ANKRD13C: variants seen among roughly 807,000 people sequenced by gnomAD.
The protein encoded by ANKRD13C is ankyrin repeat domain-containing protein 13C.
In ANKRD13C, 16 loss-of-function variants were observed where a neutral mutation model predicts 65.5. The observed-to-expected ratio is 0.24, with a 90% CI of 0.17 to 0.37. ANKRD13C has a LOEUF of 0.37. Ranked by LOEUF, ANKRD13C falls within the 10% of genes least tolerant of loss-of-function variation. ANKRD13C has a pLI of 1.00. For missense variants in ANKRD13C, 503 were observed against 655.9 expected, an observed-to-expected ratio of 0.77 and a Z score of 2.55; for synonymous variants, 235 against 238.7, an observed-to-expected ratio of 0.98 and a Z score of 0.14.
At position 70,259,461 on chromosome 1, in the gene ANKRD13C, A is replaced by C. The variant is rs269277; in HGVS notation, c.*3256T>G. The stretch of plus-strand genomic sequence containing the variant: ...GTATTACTCTTCTAAAATGAACTGT[A>C]ACAATTAAAAAGCTCATCACAAGGT... On this transcript the variant is annotated 3_prime_UTR_variant, in exon 13 of 13. Coordinates refer to ENST00000370944, the MANE Select transcript of ANKRD13C (RefSeq NM_030816.5). 0.21 allele frequency among the ~76,000 whole-genome samples: 31,390 copies of C among 152,134 alleles called. 3,768 individuals are homozygous for C. Among genetic ancestry groups the C allele is most frequent in the Non-Finnish European group, 0.27 (18,200 of 67,962 alleles).
At chr1:70,306,095 GA>G in intron 6 of ANKRD13C, 128 bp downstream of exon 6, 1 of 520,658 alleles carries the variant, frequency 1.9e-6, no homozygotes, top group Non-Finnish European at 3.2e-6. Flanking sequence ...TCTCGAATGA[GA>G]TAAAATATTG....
intron 3 of ANKRD13C, among the ~76,000 whole-genome samples, chr1:70,318,679 G>GTTT (rs11337993): frequency 0.021 from 1,955 of 94,158 alleles, 93 homozygotes; most frequent in African/African-American, 0.051. Flanking sequence ...ATCAATCTTT[G>GTTT]TTTTTTTTTT....
intron 3 of ANKRD13C, among the ~76,000 whole-genome samples, chr1:70,323,785 T>G (rs1457419130): frequency 5.3e-5 from 8 of 149,552 alleles, no homozygotes; most frequent in Non-Finnish European, 1.2e-4. Flanking sequence ...AGTGCAATGG[T>G]GCGATCTCGG....
chr1:70,344,560 T>C (rs1215475996), intron 1 of ANKRD13C, among the ~76,000 whole-genome samples: 1 of 152,160 alleles, frequency 6.6e-6, no homozygotes, highest in Non-Finnish European at 1.5e-5. Context: ...ATATTTCTGA[T>C]ACCTTATTCA....
At chr1:70,267,254 A>G (rs1292607325) in intron 12 of ANKRD13C, among the ~76,000 whole-genome samples, 1 of 151,968 alleles carries the variant, frequency 6.6e-6, no homozygotes, top group East Asian at 1.9e-4. Flanking sequence ...TTTTCCTTTG[A>G]TTAGTGTTTG....
intron 9 of ANKRD13C, among the ~76,000 whole-genome samples, chr1:70,282,049 A>G (rs1040328672): frequency 6.7e-6 from 1 of 148,282 alleles, no homozygotes; most frequent in South Asian, 2.1e-4. Flanking sequence ...ACTGGTACAT[A>G]TCATCTTTTT....
intron 8 of ANKRD13C, among the ~76,000 whole-genome samples, chr1:70,295,893 A>G (rs1680063077): frequency 6.6e-6 from 1 of 152,202 alleles, no homozygotes; most frequent in South Asian, 2.1e-4. Flanking sequence ...GACAGCTAGC[A>G]ATAAGAGTCC....
At position 70,300,852 on chromosome 1, in the gene ANKRD13C, C is replaced by G; in HGVS notation, c.833G>C (p.Ser278Thr). 1 of 1,613,658 alleles carries G rather than the reference C, an allele frequency of 6.2e-7. No homozygotes were observed. The highest frequency in any genetic ancestry group is 8.5e-7 in the Non-Finnish European group (1 of 1,179,864). Reference protein sequence around the residue: ...TDMKCQRGDLSFIFNGDAAPS... With the variant: ...TDMKCQRGDLTFIFNGDAAPS... ...CGCCGCATCCCCATTGAAAATGAAGCTTAGATCCCCTCGTTGGCACTTCAT... is the reference window on the plus strand; with the variant it reads ...CGCCGCATCCCCATTGAAAATGAAGGTTAGATCCCCTCGTTGGCACTTCAT... The change falls in exon 7 of 13, where the codon AGC becomes ACC. Residue 278 changes from serine (S) to threonine (T), a missense_variant. Physicochemically the swap from Ser to Thr is moderately conservative, Grantham distance 58. Around this residue, in one of 2 missense-constraint regions of ANKRD13C, gnomAD observed 300 missense variants for 478.3 expected, o/e 0.63. Transcript: ENST00000370944.
At chr1:70,296,011 G>C in intron 8 of ANKRD13C, 119 bp downstream of exon 8, 4 of 1,154,274 alleles carry the variant, frequency 3.5e-6, no homozygotes, top group Non-Finnish European at 4.8e-6. Flanking sequence ...TCAAGGAAGA[G>C]AGAAAAAAAC....
At chr1:70,283,346 G>A (rs1019859990) in intron 9 of ANKRD13C, among the ~76,000 whole-genome samples, 1 of 151,988 alleles carries the variant, frequency 6.6e-6, no homozygotes, top group Admixed American at 6.6e-5. Context: ...ATGCCTTCAA[G>A]CCTTTCCCTC....
chr1:70,315,605 C>A, intron 3 of ANKRD13C, 39 bp from the exon 4 acceptor site: 3 of 1,519,024 alleles, frequency 2.0e-6, no homozygotes, highest in Non-Finnish European at 2.7e-6. Context: ...TTTAAATTTT[C>A]ATCATGCAGT....
intron 7 of ANKRD13C, among the ~76,000 whole-genome samples, chr1:70,300,431 T>A (rs1002093428): frequency 6.6e-6 from 1 of 151,898 alleles, no homozygotes; most frequent in Non-Finnish European, 1.5e-5. Context: ...CTACTAAAAA[T>A]ACAAAAATTA....
chr1:70,278,663 G>C (rs574881079), intron 9 of ANKRD13C, among the ~76,000 whole-genome samples: 1 of 152,078 alleles, frequency 6.6e-6, no homozygotes, highest in Non-Finnish European at 1.5e-5. Context: ...AACATTGAGA[G>C]GGTCTCATTC....
intron 1 of ANKRD13C, among the ~76,000 whole-genome samples, chr1:70,347,117 A>AG (rs1682565818): frequency 1.4e-5 from 2 of 143,578 alleles, no homozygotes; most frequent in South Asian, 4.7e-4. Context: ...AAAAAAAAAA[A>AG]GGCAGTTCAT....
rs549910505 is a variant in ANKRD13C, at chr1:70,347,951, GA to G, written c.430+6027del. Among the ~76,000 whole-genome samples the G allele has an allele frequency of 3.9e-5, 6 of 152,144 alleles. No individual in the cohort carries two copies. In the East Asian group the frequency reaches 1.2e-3, roughly 29 times the overall value. ...ATCCTACAAAAACAAAATTTAAAAAGAAACCTACAAAACACAAAGCAAACAA... is the reference window on the plus strand; with the variant it reads ...ATCCTACAAAAACAAAATTTAAAAAGAACCTACAAAACACAAAGCAAACAA... On this transcript the variant is annotated intron_variant, in intron 1 of 12. Coordinates refer to ENST00000370944, the MANE Select transcript of ANKRD13C (RefSeq NM_030816.5).
intron 1 of ANKRD13C, among the ~76,000 whole-genome samples, chr1:70,342,694 AG>A (rs1400717885): frequency 2.0e-5 from 3 of 152,006 alleles, no homozygotes; most frequent in African/African-American, 7.3e-5. Context: ...GAGAAAAAGA[AG>A]TACCATGCTC....
In ANKRD13C at chr1:70,306,218, C is replaced by T. The variant is rs1481465140; in HGVS notation, c.776+6G>A. The T allele has an allele frequency of 3.2e-6, 5 of 1,550,168 alleles. No homozygotes were observed. Among genetic ancestry groups the T allele is most frequent in the Non-Finnish European group, 4.4e-6 (5 of 1,146,634 alleles). ...TTTTACTGAGAAAAAAATCAAATCA[C>T]CTTACCTGATATTGATACCTTGTTT... is the stretch of plus-strand genomic sequence containing the variant. On this transcript the variant is annotated splice_donor_region_variant and intron_variant, in intron 6 of 12. Transcript: ENST00000370944.
At chr1:70,300,104 G>C (rs1386488822) in intron 7 of ANKRD13C, among the ~76,000 whole-genome samples, 1 of 152,060 alleles carries the variant, frequency 6.6e-6, no homozygotes, top group East Asian at 1.9e-4. Context: ...AAATAAAGAT[G>C]GTCAACAACA....
chr1:70,343,746 C>T (rs1034757487), intron 1 of ANKRD13C, among the ~76,000 whole-genome samples: 11 of 152,134 alleles, frequency 7.2e-5, no homozygotes, highest in African/African-American at 2.7e-4. Context: ...CTATGTTGGC[C>T]AGGCAGGTCT....
Sources: allele counts gnomAD v4.1 joint callset (sites outside exome capture counted in the v4.1 genomes callset), GRCh38; gene constraint gnomAD v4.1.1; regional missense constraint gnomAD v4.1.1; transcripts MANE v1.5; gene names NCBI Gene and HGNC (gene_info 2026-07-23, HGNC 2026-07-21).